IFT172: variants seen among roughly 807,000 people sequenced by gnomAD.
IFT172 encodes the protein intraflagellar transport 172.
A neutral mutation model predicts 248.9 loss-of-function variants in IFT172; 164 were observed. The observed-to-expected ratio is 0.66, with a 90% CI of 0.58 to 0.75. The LOEUF (loss-of-function observed/expected upper bound fraction) is 0.75, where lower values mean the gene tolerates loss of function less well. Among genes scored for constraint, IFT172 ranks in the 30% least tolerant of loss-of-function variants. The pLI, the probability that IFT172 is intolerant of heterozygous loss-of-function variation, is 0.00. For missense variants in IFT172, 1,950 were observed against 2,192.4 expected (o/e 0.89, Z 2.21); for synonymous variants, 729 against 791.6 (o/e 0.92, Z 1.33).
chr2:27,466,071 A>C (rs1411932473), intron 16 of IFT172, 189 bp from the exon 17 acceptor site: 2 of 660,014 alleles, frequency 3.0e-6, no homozygotes, highest in Non-Finnish European at 5.2e-6. Flanking sequence ...CCTTGGGTTA[A>C]AGTATACTCC....
Position 27,445,850 on chromosome 2 carries a change from T to G in IFT172, c.4816-7A>C. On this transcript the variant is annotated splice_region_variant and splice_polypyrimidine_tract_variant and intron_variant, in intron 44 of 47. Transcript: ENST00000260570. This position sits in a 1 kb window ranked among gnomAD's most constrained non-coding sequence, Gnocchi z 4.4. ...GAGTCCCTTCCTCGATTGCCTGCAG[T>G]AGAGTGGGCAACCATGAACTAGGCA... 6.2e-7 allele frequency: 1 copy of G among 1,614,066 alleles called. No individual in the cohort carries two copies. The highest frequency in any genetic ancestry group is 8.5e-7 in the Non-Finnish European group (1 of 1,180,006).
In IFT172 at chr2:27,478,241, G is replaced by A. The variant is rs540559426; in HGVS notation, c.1006-85C>T. 10 of 1,511,350 alleles carry A rather than the reference G, an allele frequency of 6.6e-6. No individual in the cohort carries two copies. The Admixed American group carries it at 1.5e-4, about 22-fold the overall frequency. The allele number at this position is 1,511,350 out of a possible 1,614,324, so 93.6% of individuals were successfully genotyped here. A position where few individuals can be genotyped will look rare whatever the true frequency, so the allele number is the denominator to read the frequency against. Reference sequence around the variant, plus strand: ...ACCATGACCTTTGCCCACCTCCACAGCACTAAACAAAGCTAATACCTTGTT... The same window carrying A: ...ACCATGACCTTTGCCCACCTCCACAACACTAAACAAAGCTAATACCTTGTT... On this transcript the variant is annotated intron_variant, in intron 10 of 47. Transcript: ENST00000260570.
At position 27,483,911 on chromosome 2, in the gene IFT172, C is replaced by T. The variant is rs761759245; in HGVS notation, c.363G>A (p.Pro121=). Residue 121 remains proline, a synonymous_variant, in exon 5 of 48, where the codon CCG becomes CCA. Coordinates refer to ENST00000260570, the MANE Select transcript of IFT172 (RefSeq NM_015662.3). Reference sequence around the variant, plus strand: ...GTCCAAAGACAATGATGTATTCTGCCGGCCATTGCAGACAAGTGACAGCAC... The same window carrying T: ...GTCCAAAGACAATGATGTATTCTGCTGGCCATTGCAGACAAGTGACAGCAC... ...QTSAVTCLQW[P]AEYIIVFGLA... 86 of 1,613,854 alleles carry T rather than the reference C, an allele frequency of 5.3e-5. No individual in the cohort carries two copies. The highest frequency in any genetic ancestry group is 1.3e-4 in the South Asian group (12 of 91,076).
chr2:27,447,947 T>G, intron 40 of IFT172, 25 bp from the exon 41 acceptor site: 34 of 1,246,066 alleles, frequency 2.7e-5, no homozygotes, highest in Non-Finnish European at 3.6e-5. Flanking sequence ...AAGAAGGGGA[T>G]CTGAGAAGGG....
intron 23 of IFT172, among the ~76,000 whole-genome samples, 178 bp downstream of exon 23, chr2:27,460,837 C>T (rs1300537218): frequency 1.4e-5 from 2 of 143,788 alleles, no homozygotes; most frequent in Non-Finnish European, 3.0e-5. Context: ...TTCCCCGGGT[C>T]CCCTTATTTC....
At chr2:27,484,761 C>G (rs1668633601) in intron 3 of IFT172, among the ~76,000 whole-genome samples, 1 of 152,148 alleles carries the variant, frequency 6.6e-6, no homozygotes, top group Non-Finnish European at 1.5e-5. Context: ...AGAACAATAA[C>G]AAAGATGTGA....
At chr2:27,450,738 C>G (rs1287595109) in intron 35 of IFT172, among the ~76,000 whole-genome samples, 2 of 151,856 alleles carry the variant, frequency 1.3e-5, no homozygotes, top group Non-Finnish European at 2.9e-5. Flanking sequence ...TTACAGGCAC[C>G]CACCACCATG....
chr2:27,451,478 A>C (rs1157477602), intron 35 of IFT172, among the ~76,000 whole-genome samples: 1 of 152,136 alleles, frequency 6.6e-6, no homozygotes, highest in East Asian at 1.9e-4. Flanking sequence ...TTAAGACCTC[A>C]AAAGGCCAGG....
chr2:27,447,980 T>C, intron 40 of IFT172, 58 bp from the exon 41 acceptor site: 2 of 1,089,968 alleles, frequency 1.8e-6, no homozygotes, highest in South Asian at 2.5e-5. Context: ...AGAAAGTCAC[T>C]GGAAGTGGGG....
At chr2:27,459,871 A>C in intron 23 of IFT172, 42 bp from the exon 24 acceptor site, 1 of 1,603,192 alleles carries the variant, frequency 6.2e-7, no homozygotes, top group Non-Finnish European at 8.5e-7. Context: ...ATTTCCAGGG[A>C]TGGGCCTCAG....
rs756610269 is a variant in IFT172 at position 27,481,080 on chromosome 2, CA to C, written c.750del (p.Gly252AlafsTer6). On this transcript the variant is annotated frameshift_variant, in exon 8 of 48. Transcript: ENST00000260570. LOFTEE classifies it high-confidence loss of function. ...EREFTTAVSS[P>X]GGQSVVLGSY... ...CTTCCTAGCACAACAGACTGGCCCC[CA>C]GGACTTGATACAGCTGTGGTGAACT... 1 of 1,614,126 alleles carries C rather than the reference CA, an allele frequency of 6.2e-7. No individual in the cohort carries two copies. Among genetic ancestry groups the C allele is most frequent in the Non-Finnish European group, 8.5e-7 (1 of 1,180,038 alleles).
At chr2:27,486,946 CTTCT>C (rs1210946450) in intron 1 of IFT172, among the ~76,000 whole-genome samples, 17 of 151,722 alleles carry the variant, frequency 1.1e-4, no homozygotes, top group African/African-American at 3.9e-4. Flanking sequence ...TTCTAATTTC[CTTCT>C]TTTTTTTTTT....
intron 18 of IFT172, among the ~76,000 whole-genome samples, chr2:27,464,355 C>A (rs1436084396): frequency 6.6e-6 from 1 of 152,158 alleles, no homozygotes; most frequent in African/African-American, 2.4e-5. Flanking sequence ...CTATTATTAA[C>A]CCTATTCTAC....
intron 7 of IFT172, among the ~76,000 whole-genome samples, chr2:27,482,485 T>C (rs1668457322): frequency 6.7e-6 from 1 of 149,540 alleles, no homozygotes; most frequent in Non-Finnish European, 1.5e-5. Context: ...TAGAGACGGG[T>C]TTCACGTCAG....
chr2:27,481,454 TACACACACACACAC>T (rs764036982), intron 7 of IFT172, among the ~76,000 whole-genome samples, 194 bp from the exon 8 acceptor site: 24 of 135,648 alleles, frequency 1.8e-4, no homozygotes, highest in African/African-American at 6.6e-4. Context: ...CACACACACA[TACACACACACACAC>T]ACCCCTATAC....
In IFT172 at chr2:27,470,933, T is replaced by C; in HGVS notation, c.1687A>G (p.Ile563Val). ...GCCCCTAGTGTCCAACATACCCTAA[T>C]AGTGAACATGGTGACTCTCTCAGGT... ...EAPERVTMFTIRGDVIGLERG... is the reference protein window; with the variant it reads ...EAPERVTMFTVRGDVIGLERG... Residue 563 changes from isoleucine (I) to valine (V), a missense_variant, in exon 16 of 48, where the codon ATT becomes GTT. Physicochemically the swap from Ile to Val is conservative, Grantham distance 29. Around this residue, in one of 3 missense-constraint regions of IFT172, gnomAD observed 1,166 missense variants for 1,254.1 expected, o/e 0.93. Coordinates refer to ENST00000260570, the MANE Select transcript of IFT172 (RefSeq NM_015662.3). 2 of 1,603,152 alleles carry C rather than the reference T, an allele frequency of 1.2e-6. No individual in the cohort carries two copies. Among genetic ancestry groups the C allele is most frequent in the East Asian group, 2.2e-5 (1 of 44,686 alleles).
At chr2:27,455,821 C>G in intron 30 of IFT172, 1 of 479,798 alleles carries the variant, frequency 2.1e-6, no homozygotes, top group South Asian at 1.6e-5. Flanking sequence ...AGAAGCAAGA[C>G]AGCAACATAT....
intron 35 of IFT172, among the ~76,000 whole-genome samples, chr2:27,451,617 T>A (rs181676614): frequency 1.7e-3 from 256 of 152,134 alleles, no homozygotes; most frequent in Non-Finnish European, 2.9e-3. Flanking sequence ...TACAAAAAAA[T>A]TAGCCCGGCA....
rs558148933 is a variant in IFT172, at chr2:27,449,546, C to G, written c.4177G>C (p.Asp1393His). 1 of 1,614,062 alleles carries G rather than the reference C, an allele frequency of 6.2e-7. No individual in the cohort carries two copies. Among genetic ancestry groups the G allele is most frequent in the Non-Finnish European group, 8.5e-7 (1 of 1,180,040 alleles). Residue 1393 changes from aspartate (D) to histidine (H), a missense_variant, in exon 38 of 48, where the codon GAC (aspartate) becomes CAC (histidine). This residue lies in a region of IFT172 where 620 missense variants were observed against 699.0 expected (regional missense o/e 0.89). Transcript: ENST00000260570. Reference protein sequence around the residue: ...ELDPRYEDYVDQHYKEFLKNQ... With the variant: ...ELDPRYEDYVHQHYKEFLKNQ... ...TTGAGGAACTCTTTATAATGCTGGTCCACATAGTCTTCATACCTGTGAAGA... is the reference window on the plus strand; with the variant it reads ...TTGAGGAACTCTTTATAATGCTGGTGCACATAGTCTTCATACCTGTGAAGA...
Sources: gnomAD v4.1 joint callset for allele counts (sites outside exome capture counted in the v4.1 genomes callset) on GRCh38, gnomAD v4.1.1 for gene constraint, gnomAD v4.1.1 regional missense constraint, Gnocchi (gnomAD v3.1) non-coding constraint, MANE v1.5 for transcripts, NCBI Gene and HGNC (gene_info 2026-07-23, HGNC 2026-07-21) for gene names.